MCRS1: variants seen among roughly 807,000 people sequenced by gnomAD.
MCRS1 encodes 58 kDa microspherule protein.
A neutral mutation model predicts 62.9 loss-of-function variants in MCRS1; 22 were observed. The ratio of observed to expected loss-of-function variants is 0.35; its 90% CI spans 0.25 to 0.50. The LOEUF is 0.50. MCRS1 is among the 20% of genes least tolerant of loss of function. The probability of loss-of-function intolerance (pLI) is 0.98; values close to 1 mark genes in which losing one functional copy is unlikely to be tolerated. For synonymous variants in MCRS1, 244 were observed against 233.5 expected (o/e 1.04, Z -0.41); for missense variants, 456 against 601.1 (o/e 0.76, Z 2.52).
In MCRS1 at chr12:49,563,554, C is replaced by T. The variant is rs577124693; in HGVS notation, c.558-8G>A. 1.2e-5 allele frequency: 19 copies of T among 1,602,148 alleles called. No homozygotes were observed. The highest frequency in any genetic ancestry group is 4.4e-5 in the South Asian group (4 of 90,156). ...ATGGCCTGACAGGCCAACCTGGACACGGAAAGAGACAGAGGGGAGGGGTGA... is the reference window on the plus strand; with the variant it reads ...ATGGCCTGACAGGCCAACCTGGACATGGAAAGAGACAGAGGGGAGGGGTGA... On this transcript the variant is annotated splice_polypyrimidine_tract_variant and splice_region_variant and intron_variant, in intron 6 of 14. Coordinates refer to ENST00000343810, the MANE Select transcript of MCRS1 (RefSeq NM_006337.5).
chr12:49,566,418 T>G, intron 2 of MCRS1: 2 of 1,577,098 alleles, frequency 1.3e-6, no homozygotes, highest in Non-Finnish European at 1.7e-6. Context: ...CGCTGGGCAG[T>G]TCCCCCGGTG....
intron 4 of MCRS1, 27 bp downstream of exon 4, chr12:49,565,502 C>T: frequency 6.4e-7 from 1 of 1,555,824 alleles, no homozygotes; most frequent in Non-Finnish European, 8.7e-7. Flanking sequence ...CACTACCTCC[C>T]ATCCCCTAAG....
rs1317447181 is a variant in MCRS1 at position 49,558,342 on chromosome 12, A to G, written c.*301T>C. The stretch of plus-strand genomic sequence containing the variant: ...TTTTTATTTACAAAAGAAAAACAAT[A>G]AAAGAAGAGTCTGAGGCTAATCAGC... On this transcript the variant is annotated 3_prime_UTR_variant, in exon 15 of 15. Coordinates refer to ENST00000343810, the MANE Select transcript of MCRS1 (RefSeq NM_006337.5). 1.2e-5 allele frequency: 5 copies of G among 408,124 alleles called. No homozygotes were observed. The South Asian group carries it at 4.7e-4, about 38-fold the overall frequency. 25.3% of individuals were successfully genotyped at this position (408,124 alleles called of 1,614,324 possible).
Position 49,558,694 on chromosome 12 carries a change from C to G in MCRS1, c.1338G>C (p.Gln446His). The G allele has an allele frequency of 6.2e-7, 1 of 1,613,918 alleles. No individual in the cohort carries two copies. Among genetic ancestry groups the G allele is most frequent in the Non-Finnish European group, 8.5e-7 (1 of 1,180,028 alleles). Reference sequence around the variant, plus strand: ...CAGCCCTGATGAGGGCAATGAGGTCCTGGTTGATAAGGAAGACGAATCGCA... The same window carrying G: ...CAGCCCTGATGAGGGCAATGAGGTCGTGGTTGATAAGGAAGACGAATCGCA... ...ASLRFVFLIN[Q>H]DLIALIRAEA... The change falls in exon 15 of 15, where the codon CAG (glutamine) becomes CAC (histidine). Residue 446 changes from glutamine to histidine, a missense_variant. By Grantham distance (24) the Gln-to-His change is conservative. This residue lies in a region of MCRS1 where 393 missense variants were observed against 523.5 expected (regional missense o/e 0.75). Transcript: ENST00000343810.
chr12:49,566,659 A>C, intron 2 of MCRS1, 63 bp downstream of exon 2: 1 of 1,610,426 alleles, frequency 6.2e-7, no homozygotes, highest in South Asian at 1.1e-5. Flanking sequence ...TGCCAGGCAC[A>C]GAGTGGAATC....
At chr12:49,560,391 G>A (rs1163108625) in intron 8 of MCRS1, 21 bp from the exon 9 acceptor site, 1 of 1,612,438 alleles carries the variant, frequency 6.2e-7, no homozygotes, top group South Asian at 1.1e-5. Flanking sequence ...GACAGAGAAA[G>A]CGTGAGCACC....
rs940920858 is a variant in MCRS1, at chr12:49,559,625, C to T, written c.1004-90G>A. 1.6e-5 allele frequency: 25 copies of T among 1,587,930 alleles called. No homozygotes were observed. Among genetic ancestry groups the T allele is most frequent in the East Asian group, 2.2e-5 (1 of 44,590 alleles). ...GGCAAGGTTTATAAGGGAAGGGGGT[C>T]GGGGCCTGGGAAACGAGGGTCTCCC... is the stretch of plus-strand genomic sequence containing the variant. On this transcript the variant is annotated intron_variant, in intron 11 of 14. Coordinates refer to ENST00000343810, the MANE Select transcript of MCRS1 (RefSeq NM_006337.5). The surrounding 1 kb of genome is among the most constrained non-coding windows in gnomAD (Gnocchi z 5.2).
At chr12:49,563,727 G>C (rs1592526732) in intron 6 of MCRS1, among the ~76,000 whole-genome samples, 181 bp from the exon 7 acceptor site, 1 of 152,206 alleles carries the variant, frequency 6.6e-6, no homozygotes, top group Admixed American at 6.5e-5. Flanking sequence ...TCAAGTGAAT[G>C]AACAGCCAAC....
chr12:49,563,522 C>T lies in MCRS1; in HGVS notation c.582G>A (p.Gln194=), dbSNP rs770313109. Residue 194 remains glutamine (Q), a synonymous_variant, in exon 7 of 15, where the codon CAG becomes CAA. Transcript: ENST00000343810. ...ISKLACQAMR[Q]LHPEAIAAIQ... The stretch of plus-strand genomic sequence containing the variant: ...TGGCTGCAATAGCCTCTGGGTGCAG[C>T]TGCCTCATGGCCTGACAGGCCAACC... 4 of 1,611,194 alleles carry T rather than the reference C, an allele frequency of 2.5e-6. No homozygotes were observed. The highest frequency in any genetic ancestry group is 3.3e-5 in the Admixed American group (2 of 59,850).
intron 2 of MCRS1, 23 bp downstream of exon 2, chr12:49,566,699 G>A (rs769283077): frequency 1.9e-6 from 3 of 1,613,938 alleles, no homozygotes; most frequent in East Asian, 2.2e-5. Context: ...AGCATTTGGG[G>A]AGCTGTCCCG....
chr12:49,561,442 G>A (rs1359437705), intron 8 of MCRS1, among the ~76,000 whole-genome samples: 1 of 152,138 alleles, frequency 6.6e-6, no homozygotes, highest in Non-Finnish European at 1.5e-5. Context: ...GAAGTTCCAC[G>A]AATCTCATCT....
chr12:49,565,739 A>G (rs1293479958), intron 3 of MCRS1, 72 bp from the exon 4 acceptor site: 5 of 1,605,652 alleles, frequency 3.1e-6, no homozygotes, highest in African/African-American at 1.3e-5. Flanking sequence ...CCAGCCCCCA[A>G]AAGAGAGCAG....
chr12:49,562,961 C>T (rs200458292), intron 8 of MCRS1, 40 bp downstream of exon 8: 16 of 1,575,284 alleles, frequency 1.0e-5, no homozygotes, highest in South Asian at 8.1e-5. Context: ...CACACATGCA[C>T]GTGCACACAC....
chr12:49,559,779 T>C lies in MCRS1; in HGVS notation c.953A>G (p.Gln318Arg). 1 of 1,614,218 alleles carries C rather than the reference T, an allele frequency of 6.2e-7. No individual in the cohort carries two copies. Among genetic ancestry groups the C allele is most frequent in the Non-Finnish European group, 8.5e-7 (1 of 1,180,030 alleles). The change falls in exon 11 of 15, where the codon CAG becomes CGG. Residue 318 changes from glutamine (Q) to arginine (R), a missense_variant. Coordinates refer to ENST00000343810, the MANE Select transcript of MCRS1 (RefSeq NM_006337.5). This position sits in a 1 kb window ranked among gnomAD's most constrained non-coding sequence, Gnocchi z 5.2. ...CCACTTATGCAGTTCCTGTTCCAGC[T>C]GCCGAATCTCTCGCTTCTGGCGCCG... Reference protein sequence around the residue: ...ADRRQKREIRQLEQELHKWQV... With the variant: ...ADRRQKREIRRLEQELHKWQV...
rs372654661 is a variant in MCRS1 at position 49,559,568 on chromosome 12, C to T, written c.1004-33G>A. 118 of 1,605,716 alleles carry T rather than the reference C, an allele frequency of 7.3e-5. No homozygotes were observed. The highest frequency in any genetic ancestry group is 9.4e-5 in the Non-Finnish European group (111 of 1,178,592). Reference sequence around the variant, plus strand: ...AAGAGGGAGTTTGGAAGAGCCTACCCCTGAGGGCCAGAATGCAAGGCAGGG... The same window carrying T: ...AAGAGGGAGTTTGGAAGAGCCTACCTCTGAGGGCCAGAATGCAAGGCAGGG... On this transcript the variant is annotated intron_variant, in intron 11 of 14. Transcript: ENST00000343810. This position sits in a 1 kb window ranked among gnomAD's most constrained non-coding sequence, Gnocchi z 5.2.
In MCRS1 at chr12:49,558,481, C is replaced by A; in HGVS notation, c.*162G>T. On this transcript the variant is annotated 3_prime_UTR_variant, in exon 15 of 15. Coordinates refer to ENST00000343810, the MANE Select transcript of MCRS1 (RefSeq NM_006337.5). ...TGAGGTTCTCAGCCTCTGCTGGCTTCACAAAGGCCAGCCCTATCCTCCCTC... is the reference window on the plus strand; with the variant it reads ...TGAGGTTCTCAGCCTCTGCTGGCTTAACAAAGGCCAGCCCTATCCTCCCTC... The A allele has an allele frequency of 1.4e-6, 1 of 691,952 alleles. No individual in the cohort carries two copies. Among genetic ancestry groups the A allele is most frequent in the South Asian group, 2.0e-5 (1 of 49,418 alleles). The allele number at this position is 691,952 out of a possible 1,614,324, so 42.9% of individuals were successfully genotyped here.
At chr12:49,562,510 G>A (rs942958687) in intron 8 of MCRS1, among the ~76,000 whole-genome samples, 1 of 152,142 alleles carries the variant, frequency 6.6e-6, no homozygotes, top group Non-Finnish European at 1.5e-5. Context: ...CAGCACTAAC[G>A]GCCTAGTGGG....
chr12:49,563,025 A>G lies in MCRS1; in HGVS notation c.781T>C (p.Tyr261His), dbSNP rs1232453958. 6 of 1,595,954 alleles carry G rather than the reference A, an allele frequency of 3.8e-6. No homozygotes were observed. Among genetic ancestry groups the G allele is most frequent in the East Asian group, 2.2e-5 (1 of 44,526 alleles). Residue 261 changes from tyrosine to histidine, a missense_variant, in exon 8 of 15, where the codon TAT (tyrosine) becomes CAT (histidine). Around this residue, in one of 3 missense-constraint regions of MCRS1, gnomAD observed 393 missense variants for 523.5 expected, o/e 0.75. Coordinates refer to ENST00000343810, the MANE Select transcript of MCRS1 (RefSeq NM_006337.5). ...LQAHWQLMKQYYLLEDQTVQP... is the reference protein window; with the variant it reads ...LQAHWQLMKQHYLLEDQTVQP... ...CCTGTCTGGTCCTCCAGCAGGTAAT[A>G]CTGCTTCATGAGCTGCCAGTGGGCC...
chr12:49,564,387 C>A, intron 6 of MCRS1, 94 bp downstream of exon 6: 3 of 1,053,320 alleles, frequency 2.8e-6, no homozygotes, highest in Non-Finnish European at 4.2e-6. Flanking sequence ...GCCTCCCAGA[C>A]CCCTCCTGGG....
Sources: allele counts gnomAD v4.1 joint callset (sites outside exome capture counted in the v4.1 genomes callset), GRCh38; gene constraint gnomAD v4.1.1; regional missense constraint gnomAD v4.1.1; non-coding constraint Gnocchi (gnomAD v3.1); transcripts MANE v1.5; gene names NCBI Gene and HGNC (gene_info 2026-07-23, HGNC 2026-07-21).